The following MYRFL variants were observed in gnomAD, a reference collection of about 807,000 sequenced individuals.
MYRFL encodes myelin regulatory factor like.
A neutral mutation model predicts 109.4 loss-of-function variants in MYRFL; 88 were observed. That is an observed-to-expected ratio of 0.80 (90% confidence interval 0.68 to 0.96). The LOEUF (loss-of-function observed/expected upper bound fraction) is 0.96, where lower values mean the gene tolerates loss of function less well. MYRFL is among the 40% of genes least tolerant of loss of function. MYRFL has a pLI of 0.00. For synonymous variants in MYRFL, 324 were observed against 320.9 expected, an observed-to-expected ratio of 1.01 and a Z score of -0.10; for missense variants, 957 against 954.9, an observed-to-expected ratio of 1.00 and a Z score of -0.03.
At chr12:69,939,025 C>T (rs4255579) in intron 19 of MYRFL, among the ~76,000 whole-genome samples, 5 of 152,074 alleles carry the variant, frequency 3.3e-5, no homozygotes, top group African/African-American at 1.2e-4. Flanking sequence ...TATCCCGCAC[C>T]TGGCTCGGAG....
At chr12:69,903,499 G>GT in intron 10 of MYRFL, 145 bp from the exon 11 acceptor site, 2 of 919,664 alleles carry the variant, frequency 2.2e-6, no homozygotes, top group South Asian at 3.8e-5. Context: ...GAATTACTTG[G>GT]ATATGTCAGA....
At chr12:69,889,843 G>A (rs925276175) in intron 6 of MYRFL, among the ~76,000 whole-genome samples, 2 of 151,844 alleles carry the variant, frequency 1.3e-5, no homozygotes, top group African/African-American at 4.8e-5. Context: ...GCGACAGAGC[G>A]AGACTCTGTC....
chr12:69,957,016 C>T (rs572636458), intron 22 of MYRFL, among the ~76,000 whole-genome samples: 235 of 151,360 alleles, frequency 1.6e-3, no homozygotes, highest in African/African-American at 4.4e-3. Flanking sequence ...AACCATTTTT[C>T]GTAAAATGGA....
At chr12:69,923,154 A>G (rs998948306) in intron 13 of MYRFL, among the ~76,000 whole-genome samples, 2 of 152,174 alleles carry the variant, frequency 1.3e-5, no homozygotes, top group Non-Finnish European at 2.9e-5. Flanking sequence ...TTAATGTTCT[A>G]TCTTTGGCCA....
intron 1 of MYRFL, among the ~76,000 whole-genome samples, chr12:69,833,494 T>C (rs1416782230): frequency 1.3e-5 from 2 of 152,220 alleles, no homozygotes; most frequent in Non-Finnish European, 2.9e-5. Flanking sequence ...TATCATTTAA[T>C]GAAGGAAAAC....
rs61754225 is a variant in MYRFL at position 69,936,283 on chromosome 12, C to T, written c.1992C>T (p.Ser664=). Residue 664 remains serine (S), a splice_region_variant and synonymous_variant, in exon 18 of 25, where the codon AGC becomes AGT. Coordinates refer to ENST00000552032, the MANE Select transcript of MYRFL (RefSeq NM_182530.3). The part of the protein sequence containing the change: ...QDRRVPNLPP[S]NITSSQEPAL... Reference sequence around the variant, plus strand: ...TAATCATTTCATTCTTTTTCTCCAGCAATATCACAAGCTCACAGGAGCCAG... The same window carrying T: ...TAATCATTTCATTCTTTTTCTCCAGTAATATCACAAGCTCACAGGAGCCAG... 6.2e-3 allele frequency: 9,458 copies of T among 1,535,904 alleles called. 497 individuals carry two copies. The African/African-American group carries it at 0.11, about 18-fold the overall frequency.
intron 13 of MYRFL, among the ~76,000 whole-genome samples, chr12:69,914,960 C>T (rs1350350621): frequency 6.6e-6 from 1 of 152,220 alleles, no homozygotes; most frequent in Non-Finnish European, 1.5e-5. Context: ...TCTCCCCACT[C>T]TGATGATGGA....
intron 19 of MYRFL, among the ~76,000 whole-genome samples, chr12:69,942,967 A>C (rs1413562405): frequency 6.6e-6 from 1 of 151,998 alleles, no homozygotes; most frequent in Non-Finnish European, 1.5e-5. Context: ...TAGGAATCCA[A>C]CTTACAAGGG....
chr12:69,880,070 AG>A lies in MYRFL; in HGVS notation c.465-128del, dbSNP rs1885966658. On this transcript the variant is annotated intron_variant, in intron 4 of 24. Transcript: ENST00000552032. ...TCAAGGGAAATAGTTTCAGCCTAGT[AG>A]GGCTCAAGGAACCTTAACTAATTGG... is the stretch of plus-strand genomic sequence containing the variant. 1.4e-5 allele frequency: 8 copies of A among 588,366 alleles called. No homozygotes were observed. The East Asian group carries it at 2.3e-4, about 17-fold the overall frequency. 36.4% of individuals were successfully genotyped at this position (588,366 alleles called of 1,614,324 possible).
At chr12:69,910,212 G>A (rs1402607460) in intron 12 of MYRFL, 135 bp downstream of exon 12, 1 of 645,094 alleles carries the variant, frequency 1.6e-6, no homozygotes, top group Non-Finnish European at 2.5e-6. Context: ...GAAACTCATA[G>A]TCACTAGAAC....
chr12:69,926,947 T>G lies in MYRFL; in HGVS notation c.1766+213T>G, dbSNP rs7958481. ...TTCTGTTGCTGGTTTTTTTTTTTTT[T>G]TTTTTTTTTTTTTTGAGCCTGAGTT... On this transcript the variant is annotated intron_variant, in intron 14 of 24. Coordinates refer to ENST00000552032, the MANE Select transcript of MYRFL (RefSeq NM_182530.3). Among the ~76,000 whole-genome samples, 584 of 136,666 alleles carry G rather than the reference T, an allele frequency of 4.3e-3. 60 individuals are homozygous for G. Among genetic ancestry groups the G allele is most frequent in the African/African-American group, 0.015 (552 of 37,012 alleles). The allele number at this position is 136,666 out of a possible 152,430, so 89.7% of individuals were successfully genotyped here.
At chr12:69,947,707 C>A (rs1434042743) in intron 19 of MYRFL, among the ~76,000 whole-genome samples, 1 of 152,082 alleles carries the variant, frequency 6.6e-6, no homozygotes, top group Non-Finnish European at 1.5e-5. Context: ...GTTTTGGAGA[C>A]CATGACTCTG....
chr12:69,828,201 G>T (rs1493860), intron 1 of MYRFL, among the ~76,000 whole-genome samples: 115,316 of 151,948 alleles, frequency 0.76, 44,873 homozygotes, highest in Non-Finnish European at 0.86. Context: ...GATTCTATGG[G>T]GTTTGCCCCT....
chr12:69,950,535 G>A (rs1955948005), intron 19 of MYRFL, among the ~76,000 whole-genome samples: 1 of 152,138 alleles, frequency 6.6e-6, no homozygotes, highest in Non-Finnish European at 1.5e-5. Flanking sequence ...TAATGAGTAT[G>A]TCCCTACTCC....
intron 13 of MYRFL, among the ~76,000 whole-genome samples, chr12:69,913,690 TTACTC>T (rs1954647387): frequency 2.0e-5 from 3 of 152,318 alleles, no homozygotes; most frequent in Admixed American, 6.5e-5. Flanking sequence ...ACTGTTTTGA[TTACTC>T]TAACTCTGTA....
In MYRFL at chr12:69,897,210, G is replaced by GCCCACATCTCTGAAAGGATC; in HGVS notation, c.1146_1147insCCCACATCTCTGAAAGGATC (p.Leu383ProfsTer18). On this transcript the variant is annotated frameshift_variant, in exon 10 of 25. Coordinates refer to ENST00000552032, the MANE Select transcript of MYRFL (RefSeq NM_182530.3). LOFTEE classifies it high-confidence loss of function. ...CTGCTAACCAAGACCAGTTCTATCT[G>GCCCACATCTCTGAAAGGATC]TTGTCTGCCCACATCTCTGAAAGGA... 1 of 1,535,836 alleles carries GCCCACATCTCTGAAAGGATC rather than the reference G, an allele frequency of 6.5e-7. No homozygotes were observed. The highest frequency in any genetic ancestry group is 8.7e-7 in the Non-Finnish European group (1 of 1,146,678).
chr12:69,887,245 C>T (rs545598826), intron 6 of MYRFL, among the ~76,000 whole-genome samples: 1 of 152,276 alleles, frequency 6.6e-6, no homozygotes, highest in African/African-American at 2.4e-5. Flanking sequence ...ATCACATGCC[C>T]AGTTTAAACT....
intron 1 of MYRFL, among the ~76,000 whole-genome samples, chr12:69,850,931 T>C (rs905138586): frequency 6.6e-6 from 1 of 152,186 alleles, no homozygotes; most frequent in South Asian, 2.1e-4. Flanking sequence ...TGGAATTGTC[T>C]ATCTGTTGCC....
At chr12:69,850,905 C>G (rs1213495129) in intron 1 of MYRFL, among the ~76,000 whole-genome samples, 1 of 151,906 alleles carries the variant, frequency 6.6e-6, no homozygotes, top group African/African-American at 2.4e-5. Flanking sequence ...GTCTTATACC[C>G]TCAACTTTTT....
Sources: gnomAD v4.1 joint callset for allele counts (sites outside exome capture counted in the v4.1 genomes callset) on GRCh38, gnomAD v4.1.1 for gene constraint, MANE v1.5 for transcripts, NCBI Gene and HGNC (gene_info 2026-07-23, HGNC 2026-07-21) for gene names.